Variants in DYNC2H1 observed in about 807,000 individuals in gnomAD.
DYNC2H1 encodes the protein dynein cytoplasmic 2 heavy chain 1, also known as cytoplasmic dynein 2 heavy chain 1.
In DYNC2H1, 410 loss-of-function variants were observed where a neutral mutation model predicts 570.0. The ratio of observed to expected loss-of-function variants is 0.72; its 90% CI spans 0.66 to 0.78. The LOEUF is 0.78. DYNC2H1 is among the 30% of genes least tolerant of loss of function. The pLI is 0.00. For missense variants in DYNC2H1, 4,865 were observed against 5,046.4 expected, an observed-to-expected ratio of 0.96 and a Z score of 1.09; for synonymous variants, 1,688 against 1,677.6, an observed-to-expected ratio of 1.01 and a Z score of -0.15.
intron 83 of DYNC2H1, among the ~76,000 whole-genome samples, chr11:103,358,829 G>T (rs548519440): frequency 2.1e-4 from 32 of 152,144 alleles, no homozygotes; most frequent in African/African-American, 7.5e-4. Context: ...ATGTAATATA[G>T]CTATTTATTC....
At chr11:103,344,466 T>C (rs904895644) in intron 82 of DYNC2H1, among the ~76,000 whole-genome samples, 1 of 152,244 alleles carries the variant, frequency 6.6e-6, no homozygotes, top group Non-Finnish European at 1.5e-5. Flanking sequence ...TTGCTCACTT[T>C]GTTGCAGCCA....
chr11:103,308,888 A>G (rs1014672254), intron 78 of DYNC2H1, among the ~76,000 whole-genome samples: 6 of 152,144 alleles, frequency 3.9e-5, no homozygotes, highest in Non-Finnish European at 8.8e-5. Flanking sequence ...TCTGGATACT[A>G]ATTGCTTAGT....
intron 84 of DYNC2H1, among the ~76,000 whole-genome samples, chr11:103,411,829 T>C (rs1254494724): frequency 2.6e-5 from 4 of 152,138 alleles, no homozygotes; most frequent in Non-Finnish European, 5.9e-5. Flanking sequence ...ATATAAAGTA[T>C]TCTATATTAT....
intron 82 of DYNC2H1, among the ~76,000 whole-genome samples, chr11:103,333,349 C>T (rs1005305169): frequency 6.6e-5 from 10 of 152,172 alleles, no homozygotes; most frequent in South Asian, 2.1e-4. Flanking sequence ...CTGCAAGCTC[C>T]GCCTCCCGGG....
chr11:103,304,041 TC>T (rs960217712), intron 76 of DYNC2H1, among the ~76,000 whole-genome samples: 1 of 152,090 alleles, frequency 6.6e-6, no homozygotes, highest in Non-Finnish European at 1.5e-5. Context: ...TGCCTTTTTT[TC>T]AATTTGCATG....
intron 26 of DYNC2H1, 55 bp from the exon 27 acceptor site, chr11:103,158,622 C>A: frequency 1.4e-6 from 2 of 1,431,340 alleles, no homozygotes; most frequent in Non-Finnish European, 1.9e-6. Context: ...ATCTGTTTTT[C>A]TTACCCCCCC....
intron 59 of DYNC2H1, among the ~76,000 whole-genome samples, chr11:103,225,533 G>A (rs1863769548): frequency 6.6e-6 from 1 of 152,028 alleles, no homozygotes; most frequent in African/African-American, 2.4e-5. Flanking sequence ...CTATGTTTTT[G>A]TTTACTTTGT....
intron 70 of DYNC2H1, among the ~76,000 whole-genome samples, chr11:103,262,603 G>A: frequency 6.6e-6 from 1 of 152,082 alleles, no homozygotes; most frequent in Non-Finnish European, 1.5e-5. Flanking sequence ...ACCAAACTAA[G>A]CTTCATAAGT....
chr11:103,322,658 TAGAC>T (rs1938274220), intron 81 of DYNC2H1, among the ~76,000 whole-genome samples: 1 of 152,334 alleles, frequency 6.6e-6, no homozygotes, highest in Non-Finnish European at 1.5e-5. Context: ...TAGTTCTAGA[TAGAC>T]AGAAGACTCT....
chr11:103,416,160 G>T (rs1000926137), intron 84 of DYNC2H1, among the ~76,000 whole-genome samples: 1 of 152,184 alleles, frequency 6.6e-6, no homozygotes, highest in African/African-American at 2.4e-5. Flanking sequence ...CAGGCTGGGG[G>T]GCTGAGGGAG....
At position 103,170,775 on chromosome 11, in the gene DYNC2H1, G is replaced by A. The variant is rs938519391; in HGVS notation, c.5152-111G>A. On this transcript the variant is annotated intron_variant, in intron 33 of 88. Transcript: ENST00000375735. The surrounding 1 kb of genome is among the most constrained non-coding windows in gnomAD (Gnocchi z 4.8). The stretch of plus-strand genomic sequence containing the variant: ...TCCGTATTTTAAAATGAGCAAAAGA[G>A]GCATAGATGGGATAAATTATCACCT... 2.9e-6 allele frequency: 3 copies of A among 1,026,848 alleles called. No homozygotes were observed. Among genetic ancestry groups the A allele is most frequent in the Non-Finnish European group, 2.6e-6 (2 of 770,936 alleles). 63.6% of individuals were successfully genotyped at this position (1,026,848 alleles called of 1,614,324 possible).
chr11:103,152,772 G>C (rs1440482953), intron 21 of DYNC2H1, among the ~76,000 whole-genome samples: 1 of 152,030 alleles, frequency 6.6e-6, no homozygotes, highest in Non-Finnish European at 1.5e-5. Flanking sequence ...TCCAGGATGG[G>C]TTATTCAGTT....
intron 88 of DYNC2H1, among the ~76,000 whole-genome samples, chr11:103,473,336 G>A (rs930417332): frequency 1.7e-4 from 25 of 148,890 alleles, no homozygotes; most frequent in African/African-American, 6.2e-4. Flanking sequence ...TCCCAGGCTG[G>A]AGTGCAGTGG....
chr11:103,352,429 GT>G (rs1378644412), intron 82 of DYNC2H1, among the ~76,000 whole-genome samples: 59 of 152,184 alleles, frequency 3.9e-4, no homozygotes, highest in African/African-American at 1.3e-3. Context: ...TGATATATGG[GT>G]TTTTCATGAA....
intron 70 of DYNC2H1, among the ~76,000 whole-genome samples, chr11:103,266,939 G>A (rs902800353): frequency 6.6e-6 from 1 of 152,170 alleles, no homozygotes; most frequent in Non-Finnish European, 1.5e-5. Flanking sequence ...AGTCTCCAAT[G>A]GGAGCAAGTT....
intron 25 of DYNC2H1, 88 bp downstream of exon 25, chr11:103,155,589 T>C: frequency 3.7e-6 from 5 of 1,340,342 alleles, no homozygotes; most frequent in Non-Finnish European, 4.9e-6. Flanking sequence ...ACAAAAAAAG[T>C]CTTCCTTTAA....
intron 15 of DYNC2H1, 134 bp from the exon 16 acceptor site, chr11:103,135,361 A>C: frequency 1.4e-6 from 1 of 706,388 alleles, no homozygotes; most frequent in Non-Finnish European, 2.1e-6. Flanking sequence ...AGGATGTACC[A>C]GTTTTACATA....
chr11:103,453,407 CAA>C (rs1162642259), intron 85 of DYNC2H1, among the ~76,000 whole-genome samples: 1 of 151,772 alleles, frequency 6.6e-6, no homozygotes, highest in Non-Finnish European at 1.5e-5. Flanking sequence ...GTTTGCTGTT[CAA>C]AGATATTATG....
Position 103,305,918 on chromosome 11 carries a change from T to G in DYNC2H1, c.11382+1198T>G, listed in dbSNP as rs868182614. Among the ~76,000 whole-genome samples, 18 of 152,326 alleles carry G rather than the reference T, an allele frequency of 1.2e-4. No homozygotes were observed. The highest frequency in any genetic ancestry group is 6.8e-3 in the Middle Eastern group (2 of 294). On this transcript the variant is annotated intron_variant, in intron 77 of 88. Coordinates refer to ENST00000375735, the MANE Select transcript of DYNC2H1 (RefSeq NM_001377.3). The surrounding 1 kb of genome is among the most constrained non-coding windows in gnomAD (Gnocchi z 4.3). Reference sequence around the variant, plus strand: ...CTGATAAATCATATATGTTTTGTTTTGGGTTTTTTTTGAGACAGAATCTTG... The same window carrying G: ...CTGATAAATCATATATGTTTTGTTTGGGGTTTTTTTTGAGACAGAATCTTG...
Sources: allele counts gnomAD v4.1 joint callset (sites outside exome capture counted in the v4.1 genomes callset), GRCh38; gene constraint gnomAD v4.1.1; non-coding constraint Gnocchi (gnomAD v3.1); transcripts MANE v1.5; gene names NCBI Gene and HGNC (gene_info 2026-07-23, HGNC 2026-07-21).